Variants in PPP4C observed in about 807,000 individuals in gnomAD.
The protein encoded by PPP4C is protein phosphatase 4 catalytic subunit.
In PPP4C, 10 loss-of-function variants were observed where a neutral mutation model predicts 40.5. The observed-to-expected ratio is 0.25, with a 90% confidence interval of 0.15 to 0.42. The LOEUF is 0.42. Ranked by LOEUF, PPP4C falls within the 10% of genes least tolerant of loss-of-function variation. PPP4C has a pLI of 1.00. For synonymous variants in PPP4C, 187 were observed against 163.6 expected (o/e 1.14, Z -1.09); for missense variants, 191 against 416.4 (o/e 0.46, Z 4.71).
At chr16:30,082,207 T>C (rs2072523286) in intron 3 of PPP4C, among the ~76,000 whole-genome samples, 1 of 152,186 alleles carries the variant, frequency 6.6e-6, no homozygotes, top group Admixed American at 6.5e-5. Flanking sequence ...AACTTGATTC[T>C]GGGTACTTTG....
chr16:30,078,866 C>A (rs886337945), intron 2 of PPP4C, among the ~76,000 whole-genome samples: 1 of 152,130 alleles, frequency 6.6e-6, no homozygotes, highest in Admixed American at 6.5e-5. Flanking sequence ...TCCGGGTATC[C>A]GGGCACAGGG....
intron 5 of PPP4C, 26 bp downstream of exon 5, chr16:30,082,873 C>A (rs987842964): frequency 6.3e-7 from 1 of 1,597,812 alleles, no homozygotes; most frequent in Admixed American, 1.7e-5. Context: ...TTCTGCACCC[C>A]CAACCTGGGC....
chr16:30,082,053 TAAAA>T (rs760700971), intron 3 of PPP4C, among the ~76,000 whole-genome samples: 2 of 120,490 alleles, frequency 1.7e-5, no homozygotes, highest in African/African-American at 5.6e-5. Context: ...AGACTCCGTC[TAAAA>T]AAAAAAAAAA....
chr16:30,076,042 A>C lies in PPP4C; in HGVS notation c.-116A>C, dbSNP rs1596824151. On this transcript the variant is annotated 5_prime_UTR_variant, in exon 1 of 9. Coordinates refer to ENST00000279387, the MANE Select transcript of PPP4C (RefSeq NM_002720.3). ...CGGCGGCGGCGGCGGTCGAAAGCGG[A>C]GTGAAAGAGGGAGGCAGGGAGCCGG... 2.5e-6 allele frequency: 1 copy of C among 400,598 alleles called. No individual in the cohort carries two copies. Among genetic ancestry groups the C allele is most frequent in the African/African-American group, 2.2e-5 (1 of 46,118 alleles). 24.8% of individuals were successfully genotyped at this position (400,598 alleles called of 1,614,324 possible). A position where few individuals can be genotyped will look rare whatever the true frequency, so the allele number is the denominator to read the frequency against.
intron 3 of PPP4C, chr16:30,081,617 C>A (rs577845562): frequency 6.8e-5 from 16 of 235,440 alleles, no homozygotes; most frequent in Middle Eastern, 1.6e-3. Context: ...GTGGCACGTG[C>A]CTGTAATCCC....
At chr16:30,080,506 C>CTT (rs71373222) in intron 2 of PPP4C, among the ~76,000 whole-genome samples, 8,671 of 123,892 alleles carry the variant, frequency 0.07, 411 homozygotes, top group African/African-American at 0.08. Flanking sequence ...GAGCACCTCA[C>CTT]TTTTTTTTTT....
Position 30,082,810 on chromosome 16 carries a change from A to G in PPP4C, c.266A>G (p.Tyr89Cys), listed in dbSNP as rs1210271946. 1.2e-6 allele frequency: 2 copies of G among 1,614,048 alleles called. No homozygotes were observed. Among genetic ancestry groups the G allele is most frequent in the Non-Finnish European group, 1.7e-6 (2 of 1,180,010 alleles). Reference protein sequence around the residue: ...FMGDFVDRGFYSVETFLLLLA... With the variant: ...FMGDFVDRGFCSVETFLLLLA... ...GGGGACTTTGTGGACCGTGGCTTCT[A>G]TAGCGTCGAAACGTTCCTCCTGCTG... The change falls in exon 5 of 9, where the codon TAT (tyrosine) becomes TGT (cysteine). Residue 89 changes from tyrosine to cysteine, a missense_variant. Tyr to Cys is a radical substitution (Grantham distance 194). This residue lies in a region of PPP4C where 171 missense variants were observed against 352.4 expected (regional missense o/e 0.49). Coordinates refer to ENST00000279387, the MANE Select transcript of PPP4C (RefSeq NM_002720.3).
rs1489195610 is a variant in PPP4C, at chr16:30,083,595, A to T, written c.477+28A>T. 7 of 1,613,744 alleles carry T rather than the reference A, an allele frequency of 4.3e-6. No individual in the cohort carries two copies. In the African/African-American group the frequency reaches 9.3e-5, roughly 22 times the overall value. On this transcript the variant is annotated intron_variant, in intron 6 of 8. Transcript: ENST00000279387. The surrounding 1 kb of genome is among the most constrained non-coding windows in gnomAD (Gnocchi z 6.3). Reference sequence around the variant, plus strand: ...AAGCCAGCCCAGGGCTCCATGGGACAGGGAGAGGAGGGGGGCTTCAGGCCT... The same window carrying T: ...AAGCCAGCCCAGGGCTCCATGGGACTGGGAGAGGAGGGGGGCTTCAGGCCT...
intron 1 of PPP4C, 106 bp from the exon 2 acceptor site, chr16:30,076,209 G>T: frequency 1.5e-6 from 1 of 671,282 alleles, no homozygotes; most frequent in Non-Finnish European, 2.5e-6. Context: ...TGGGGCCGAT[G>T]TGAGGGGAGG....
Position 30,076,037 on chromosome 16 carries a change from A to C in PPP4C, c.-121A>C. 5.2e-6 allele frequency: 2 copies of C among 383,958 alleles called. No individual in the cohort carries two copies. The highest frequency in any genetic ancestry group is 4.7e-6 in the Non-Finnish European group (1 of 211,534). The allele number at this position is 383,958 out of a possible 1,614,324, so 23.8% of individuals were successfully genotyped here. A position where few individuals can be genotyped will look rare whatever the true frequency, so the allele number is the denominator to read the frequency against. The stretch of plus-strand genomic sequence containing the variant: ...GGCGGCGGCGGCGGCGGCGGTCGAA[A>C]GCGGAGTGAAAGAGGGAGGCAGGGA... On this transcript the variant is annotated 5_prime_UTR_variant, in exon 1 of 9. Transcript: ENST00000279387.
intron 2 of PPP4C, among the ~76,000 whole-genome samples, chr16:30,080,944 G>A (rs1362808995): frequency 6.6e-6 from 1 of 152,166 alleles, no homozygotes; most frequent in Non-Finnish European, 1.5e-5. Context: ...GGGGAGACCC[G>A]CCTCCCAGGA....
At chr16:30,078,468 C>A (rs529600308) in intron 2 of PPP4C, among the ~76,000 whole-genome samples, 1 of 152,252 alleles carries the variant, frequency 6.6e-6, no homozygotes, top group African/African-American at 2.4e-5. Context: ...AGGGTCCTGC[C>A]CAGTTGAAAC....
chr16:30,085,306 T>A lies in PPP4C; in HGVS notation c.*244T>A, dbSNP rs2072602386. 2.6e-6 allele frequency: 1 copy of A among 389,608 alleles called. No homozygotes were observed. The highest frequency in any genetic ancestry group is 4.6e-6 in the Non-Finnish European group (1 of 219,766). The allele number at this position is 389,608 out of a possible 1,614,324, so 24.1% of individuals were successfully genotyped here. A position where few individuals can be genotyped will look rare whatever the true frequency, so the allele number is the denominator to read the frequency against. ...TTTTTTTTTCTTTTTTTCCTTCTTT[T>A]TTCTGTTTGTTTTTAGATAAAAATT... On this transcript the variant is annotated 3_prime_UTR_variant, in exon 9 of 9. Coordinates refer to ENST00000279387, the MANE Select transcript of PPP4C (RefSeq NM_002720.3).
Position 30,083,470 on chromosome 16 carries a change from A to G in PPP4C, c.380A>G (p.Tyr127Cys). The change falls in exon 6 of 9, where the codon TAC becomes TGC. Residue 127 changes from tyrosine (Y) to cysteine (C), a missense_variant. By Grantham distance (194) the Tyr-to-Cys change is radical. Around this residue, in one of 3 missense-constraint regions of PPP4C, gnomAD observed 171 missense variants for 352.4 expected, o/e 0.49. Transcript: ENST00000279387. This position sits in a 1 kb window ranked among gnomAD's most constrained non-coding sequence, Gnocchi z 6.3. ...SRQITQVYGF[Y>C]DECLRKYGSV... ...CAGATCACGCAGGTCTATGGCTTCT[A>G]CGATGAGTGCCTGCGCAAGTACGGC... The G allele has an allele frequency of 1.2e-6, 2 of 1,614,214 alleles. No homozygotes were observed. The highest frequency in any genetic ancestry group is 1.7e-6 in the Non-Finnish European group (2 of 1,180,042).
chr16:30,079,380 G>A (rs1424007650), intron 2 of PPP4C, among the ~76,000 whole-genome samples: 1 of 151,896 alleles, frequency 6.6e-6, no homozygotes, highest in African/African-American at 2.4e-5. Context: ...ACTAGAGACG[G>A]GGTTTCACCA....
At position 30,083,323 on chromosome 16, in the gene PPP4C, A is replaced by C. The variant is rs2072545877; in HGVS notation, c.304-71A>C. ...TTGTGAGGATGGCAGGCTGGCGGGC[A>C]CGAGGAGGTCAGAGAGGGATGTGTG... On this transcript the variant is annotated intron_variant, in intron 5 of 8. Coordinates refer to ENST00000279387, the MANE Select transcript of PPP4C (RefSeq NM_002720.3). This position sits in a 1 kb window ranked among gnomAD's most constrained non-coding sequence, Gnocchi z 6.3. The C allele has an allele frequency of 6.6e-7, 1 of 1,518,684 alleles. No individual in the cohort carries two copies. Among genetic ancestry groups the C allele is most frequent in the African/African-American group, 1.4e-5 (1 of 73,542 alleles). The allele number at this position is 1,518,684 out of a possible 1,614,324, so 94.1% of individuals were successfully genotyped here. A position where few individuals can be genotyped will look rare whatever the true frequency, so the allele number is the denominator to read the frequency against.
At position 30,083,282 on chromosome 16, in the gene PPP4C, G is replaced by A; in HGVS notation, c.304-112G>A. The A allele has an allele frequency of 8.1e-7, 1 of 1,232,572 alleles. No homozygotes were observed. Among genetic ancestry groups the A allele is most frequent in the Non-Finnish European group, 1.1e-6 (1 of 873,496 alleles). The allele number at this position is 1,232,572 out of a possible 1,614,324, so 76.4% of individuals were successfully genotyped here. A position where few individuals can be genotyped will look rare whatever the true frequency, so the allele number is the denominator to read the frequency against. On this transcript the variant is annotated intron_variant, in intron 5 of 8. Transcript: ENST00000279387. This position sits in a 1 kb window ranked among gnomAD's most constrained non-coding sequence, Gnocchi z 6.3. ...ACGATTCAGGCAAGAGGTGCCAGGA[G>A]TGTGCTGGGCAGTGGTTGTGAGGAT...
chr16:30,083,404 C>T lies in PPP4C; in HGVS notation c.314C>T (p.Pro105Leu). The T allele has an allele frequency of 6.2e-7, 1 of 1,612,672 alleles. No individual in the cohort carries two copies. Among genetic ancestry groups the T allele is most frequent in the Non-Finnish European group, 8.5e-7 (1 of 1,179,364 alleles). ...GGTGGCCACCCCCAGGTTCGCTATC[C>T]TGATCGCATCACACTGATCCGGGGC... ...LLLLALKVRY[P>L]DRITLIRGNH... The change falls in exon 6 of 9, where the codon CCT becomes CTT. Residue 105 changes from proline (P) to leucine (L), a missense_variant. Coordinates refer to ENST00000279387, the MANE Select transcript of PPP4C (RefSeq NM_002720.3). The surrounding 1 kb of genome is among the most constrained non-coding windows in gnomAD (Gnocchi z 6.3).
intron 2 of PPP4C, among the ~76,000 whole-genome samples, chr16:30,079,160 G>A (rs138010404): frequency 2.0e-5 from 3 of 151,712 alleles, no homozygotes; most frequent in Admixed American, 6.6e-5. Context: ...TGACCCTCCC[G>A]CTTTTCTGTA....
Sources: gnomAD v4.1 joint callset for allele counts (sites outside exome capture counted in the v4.1 genomes callset) on GRCh38, gnomAD v4.1.1 for gene constraint, gnomAD v4.1.1 regional missense constraint, Gnocchi (gnomAD v3.1) non-coding constraint, MANE v1.5 for transcripts, NCBI Gene and HGNC (gene_info 2026-07-23, HGNC 2026-07-21) for gene names.